The following FHIT variants were observed in gnomAD, a reference collection of about 807,000 sequenced individuals.
The protein encoded by FHIT is bis(5'-adenosyl)-triphosphatase.
In FHIT, 19 loss-of-function variants were observed where a neutral mutation model predicts 17.9. The ratio of observed to expected loss-of-function variants is 1.06; its 90% CI spans 0.74 to 1.56. The LOEUF (loss-of-function observed/expected upper bound fraction) is 1.56, where lower values mean the gene tolerates loss of function less well. FHIT is among the 40% of genes most tolerant of loss of function. The probability of loss-of-function intolerance (pLI) is 0.00; values close to 1 mark genes in which losing one functional copy is unlikely to be tolerated. For missense variants in FHIT, 248 were observed against 189.2 expected, an observed-to-expected ratio of 1.31 and a Z score of -1.82; for synonymous variants, 81 against 69.7, an observed-to-expected ratio of 1.16 and a Z score of -0.81.
At chr3:60,470,740 G>A (rs892206118) in intron 5 of FHIT, among the ~76,000 whole-genome samples, 3 of 152,056 alleles carry the variant, frequency 2.0e-5, no homozygotes, top group African/African-American at 7.2e-5. Context: ...GCAAGATAAA[G>A]TCCTCTTTAC....
At chr3:60,946,414 G>C (rs571041367) in intron 3 of FHIT, among the ~76,000 whole-genome samples, 121 of 152,250 alleles carry the variant, frequency 7.9e-4, no homozygotes, top group Admixed American at 1.6e-3. Flanking sequence ...CTAAATACCA[G>C]TAGCACTCCT....
intron 5 of FHIT, among the ~76,000 whole-genome samples, chr3:60,502,571 A>C (rs1430607933): frequency 6.6e-6 from 1 of 152,224 alleles, no homozygotes; most frequent in Non-Finnish European, 1.5e-5. Flanking sequence ...CCCAGTGCTT[A>C]GCACAATAAT....
At chr3:60,008,341 A>C (rs1167921246) in intron 7 of FHIT, among the ~76,000 whole-genome samples, 1 of 152,182 alleles carries the variant, frequency 6.6e-6, no homozygotes, top group African/African-American at 2.4e-5. Flanking sequence ...AAACCCAAAA[A>C]GGAGAGTTAA....
At chr3:60,648,919 G>T (rs915085696) in intron 4 of FHIT, among the ~76,000 whole-genome samples, 1 of 152,152 alleles carries the variant, frequency 6.6e-6, no homozygotes, top group African/African-American at 2.4e-5. Flanking sequence ...CTGTGGCAGT[G>T]GTGGAGGAAT....
chr3:61,021,796 A>G lies in FHIT; in HGVS notation c.-111+20251T>C, dbSNP rs539313661. 2.0e-5 allele frequency among the ~76,000 whole-genome samples: 3 copies of G among 152,238 alleles called. No individual in the cohort carries two copies. In the South Asian group the frequency reaches 6.2e-4, roughly 32 times the overall value. The stretch of plus-strand genomic sequence containing the variant: ...GAAATAAGTAAGTTTTTTGAAACCA[A>G]TAAGAACAAAGACACAATGTACCAG... On this transcript the variant is annotated intron_variant, in intron 3 of 9. Transcript: ENST00000492590.
chr3:60,307,355 A>C (rs555278002), intron 5 of FHIT, among the ~76,000 whole-genome samples: 53 of 152,326 alleles, frequency 3.5e-4, no homozygotes, highest in Admixed American at 1.1e-3. Context: ...AGATTCAAAG[A>C]AATGTCTGTA....
intron 3 of FHIT, among the ~76,000 whole-genome samples, chr3:60,826,461 G>A (rs1432578271): frequency 6.6e-6 from 1 of 152,104 alleles, no homozygotes; most frequent in Non-Finnish European, 1.5e-5. Context: ...CAAGTAGCTG[G>A]GATTATAGGC....
chr3:60,512,066 G>A (rs73833962), intron 5 of FHIT, among the ~76,000 whole-genome samples: 23,768 of 151,948 alleles, frequency 0.16, 2,363 homozygotes, highest in African/African-American at 0.26. Flanking sequence ...AAAATAGAAA[G>A]CTAACATCTT....
chr3:61,052,950 C>T (rs1434228230), intron 2 of FHIT, among the ~76,000 whole-genome samples: 2 of 152,024 alleles, frequency 1.3e-5, no homozygotes, highest in Non-Finnish European at 2.9e-5. Context: ...AAATAAAGAA[C>T]TTGTGAAATT....
At chr3:61,044,457 A>G (rs1037658193) in intron 2 of FHIT, among the ~76,000 whole-genome samples, 1 of 152,174 alleles carries the variant, frequency 6.6e-6, no homozygotes, top group Non-Finnish European at 1.5e-5. Flanking sequence ...GAGATGAACA[A>G]AGCCTCCAAG....
At chr3:60,106,505 A>T (rs1365658299) in intron 5 of FHIT, among the ~76,000 whole-genome samples, 1 of 152,242 alleles carries the variant, frequency 6.6e-6, no homozygotes, top group Non-Finnish European at 1.5e-5. Context: ...AGACATGAAC[A>T]GAAATGTGTT....
At chr3:59,783,664 G>C (rs912762023) in intron 8 of FHIT, among the ~76,000 whole-genome samples, 1 of 152,114 alleles carries the variant, frequency 6.6e-6, no homozygotes, top group Non-Finnish European at 1.5e-5. Context: ...CCTGTGCATT[G>C]TAGGGTGTTT....
chr3:60,217,425 A>G (rs1008471469), intron 5 of FHIT, among the ~76,000 whole-genome samples: 1 of 152,158 alleles, frequency 6.6e-6, no homozygotes, highest in South Asian at 2.1e-4. Context: ...TCTCTTGCAT[A>G]TTCTGCTACA....
intron 3 of FHIT, among the ~76,000 whole-genome samples, chr3:60,963,085 T>G (rs978432295): frequency 1.3e-5 from 2 of 152,250 alleles, no homozygotes; most frequent in Non-Finnish European, 2.9e-5. Context: ...GCTAGGCTAT[T>G]AATTATTGCC....
intron 8 of FHIT, among the ~76,000 whole-genome samples, chr3:59,797,625 C>T (rs529113342): frequency 5.3e-5 from 8 of 152,152 alleles, no homozygotes; most frequent in Admixed American, 6.5e-5. Context: ...AGTAACCCAC[C>T]GTGGCTCTCT....
At chr3:61,027,376 C>T (rs2032788319) in intron 3 of FHIT, among the ~76,000 whole-genome samples, 1 of 152,216 alleles carries the variant, frequency 6.6e-6, no homozygotes, top group South Asian at 2.1e-4. Context: ...CTTGTGCCAG[C>T]GCACCCGGCC....
intron 2 of FHIT, among the ~76,000 whole-genome samples, chr3:61,121,181 T>G (rs2036445933): frequency 6.6e-6 from 1 of 152,082 alleles, no homozygotes. Context: ...CAGGATATTA[T>G]CCAGGAGAAC....
intron 2 of FHIT, among the ~76,000 whole-genome samples, chr3:61,047,566 T>G (rs566950051): frequency 6.6e-6 from 1 of 152,188 alleles, no homozygotes; most frequent in Non-Finnish European, 1.5e-5. Flanking sequence ...CCAAGGTAAT[T>G]TATAGATTCA....
chr3:60,221,288 T>C (rs927653867), intron 5 of FHIT, among the ~76,000 whole-genome samples: 1 of 152,132 alleles, frequency 6.6e-6, no homozygotes, highest in African/African-American at 2.4e-5. Context: ...CCTTTTGTTT[T>C]AGACAAGCAG....
Sources: gnomAD v4.1 joint callset for allele counts (sites outside exome capture counted in the v4.1 genomes callset) on GRCh38, gnomAD v4.1.1 for gene constraint, MANE v1.5 for transcripts, NCBI Gene and HGNC (gene_info 2026-07-23, HGNC 2026-07-21) for gene names.